ITPR2: variants seen among roughly 807,000 people sequenced by gnomAD.
ITPR2 encodes the protein inositol 1,4,5-trisphosphate receptor type 2, also known as inositol 1,4,5-trisphosphate-gated calcium channel ITPR2.
A neutral mutation model predicts 317.1 loss-of-function variants in ITPR2; 207 were observed. That is an observed-to-expected ratio of 0.65 (90% CI 0.58 to 0.73). The LOEUF is 0.73. Among genes scored for constraint, ITPR2 ranks in the 30% least tolerant of loss-of-function variants. The pLI, the probability that ITPR2 is intolerant of heterozygous loss-of-function variation, is 0.00. For synonymous variants in ITPR2, 1,156 were observed against 1,149.1 expected (o/e 1.01, Z -0.12); for missense variants, 2,613 against 3,284.0 (o/e 0.80, Z 4.99).
chr12:26,357,678 G>A (rs1445404787), intron 55 of ITPR2, among the ~76,000 whole-genome samples: 1 of 152,242 alleles, frequency 6.6e-6, no homozygotes, highest in Admixed American at 6.5e-5. Flanking sequence ...TATTGTTGGA[G>A]ATCATGCTTT....
chr12:26,815,563 G>A (rs1167443068), intron 1 of ITPR2, among the ~76,000 whole-genome samples: 1 of 152,134 alleles, frequency 6.6e-6, no homozygotes, highest in Non-Finnish European at 1.5e-5. Flanking sequence ...GGAAGATATT[G>A]TAAATATATG....
Position 26,655,804 on chromosome 12 carries a change from A to T in ITPR2, c.2493T>A (p.Phe831Leu). 1 of 1,612,390 alleles carries T rather than the reference A, an allele frequency of 6.2e-7. No individual in the cohort carries two copies. The highest frequency in any genetic ancestry group is 8.5e-7 in the Non-Finnish European group (1 of 1,178,988). ...DSSRNDMKRK[F>L]ALTMEFVEEY... ...CTTCAACAAATTCCATTGTCAGGGC[A>T]AATTTCCTCTTCATATCATTTCTGG... The change falls in exon 20 of 57, where the codon TTT becomes TTA. Residue 831 changes from phenylalanine (F) to leucine (L), a missense_variant. Transcript: ENST00000381340.
intron 45 of ITPR2, among the ~76,000 whole-genome samples, chr12:26,462,724 T>C (rs1591805573): frequency 6.8e-6 from 1 of 148,100 alleles, no homozygotes; most frequent in Admixed American, 7.0e-5. Flanking sequence ...CAGGCTGGAG[T>C]GCAATGGCGC....
At chr12:26,566,084 G>C (rs1430655106) in intron 34 of ITPR2, among the ~76,000 whole-genome samples, 4 of 136,106 alleles carry the variant, frequency 2.9e-5, no homozygotes, top group Non-Finnish European at 6.3e-5. Flanking sequence ...AGAAGGAGAG[G>C]AGATGGAGAG....
chr12:26,450,945 T>G (rs1048850070), intron 45 of ITPR2, among the ~76,000 whole-genome samples: 2 of 152,120 alleles, frequency 1.3e-5, no homozygotes, highest in Non-Finnish European at 2.9e-5. Context: ...GTGGAATGGA[T>G]TAGTTAGAAA....
At chr12:26,772,479 A>AATATATATAATACATATAATACATGTAT (rs1565752080) in intron 2 of ITPR2, among the ~76,000 whole-genome samples, 2 of 44,406 alleles carry the variant, frequency 4.5e-5, no homozygotes, top group Non-Finnish European at 1.5e-4. Context: ...ATTATATATA[A>AATATATATAATACATATAATACATGTAT]TATATATAAT....
chr12:26,605,126 A>AAAAAATATATATATATATATATATATAT lies in ITPR2; in HGVS notation c.3463-2421_3463-2420insATATATATATATATATATATATATTTTT, dbSNP rs1555165395. ...ATAAAAATAAAAAATAAAAAATAAAAATATATATATATATATGAGAAAGTG... is the reference window on the plus strand; with the variant it reads ...ATAAAAATAAAAAATAAAAAATAAAAAAAAATATATATATATATATATATATATATATATATATATATATGAGAAAGTG... On this transcript the variant is annotated intron_variant, in intron 26 of 56. Coordinates refer to ENST00000381340, the MANE Select transcript of ITPR2 (RefSeq NM_002223.4). Among the ~76,000 whole-genome samples, 185 of 136,220 alleles carry AAAAAATATATATATATATATATATATAT rather than the reference A, an allele frequency of 1.4e-3. 1 individual carries two copies. The highest frequency in any genetic ancestry group is 5.7e-3 in the South Asian group (24 of 4,202). The allele number at this position is 136,220 out of a possible 152,430, so 89.4% of individuals were successfully genotyped here.
At chr12:26,581,694 A>G (rs1367304822) in intron 32 of ITPR2, among the ~76,000 whole-genome samples, 1 of 152,202 alleles carries the variant, frequency 6.6e-6, no homozygotes, top group African/African-American at 2.4e-5. Flanking sequence ...TTTAATTTAC[A>G]TGGTCCCAGA....
intron 21 of ITPR2, among the ~76,000 whole-genome samples, chr12:26,644,968 C>G (rs141054774): frequency 2.6e-5 from 4 of 152,152 alleles, no homozygotes; most frequent in African/African-American, 9.7e-5. Flanking sequence ...GAGCTGCCTA[C>G]GGGGACATAA....
chr12:26,729,850 A>G (rs1402930845), intron 2 of ITPR2, among the ~76,000 whole-genome samples: 1 of 152,076 alleles, frequency 6.6e-6, no homozygotes, highest in Non-Finnish European at 1.5e-5. Flanking sequence ...AAAAATAACT[A>G]ATGAGTACAA....
At chr12:26,594,700 A>ATT (rs138178618) in intron 32 of ITPR2, among the ~76,000 whole-genome samples, 6 of 151,052 alleles carry the variant, frequency 4.0e-5, no homozygotes, top group African/African-American at 9.7e-5. Context: ...GGAAAATTAG[A>ATT]TTTTTTTTTA....
chr12:26,557,154 T>A (rs1944686380), intron 35 of ITPR2, among the ~76,000 whole-genome samples: 1 of 152,222 alleles, frequency 6.6e-6, no homozygotes, highest in Admixed American at 6.5e-5. Flanking sequence ...GGAAAGTCAC[T>A]GAAATATTAT....
chr12:26,362,772 A>G (rs1469380109), intron 55 of ITPR2, among the ~76,000 whole-genome samples: 1 of 152,098 alleles, frequency 6.6e-6, no homozygotes, highest in African/African-American at 2.4e-5. Flanking sequence ...ATTCACAGGT[A>G]TTTTCTCTCC....
At chr12:26,503,681 T>A (rs1196374252) in intron 37 of ITPR2, among the ~76,000 whole-genome samples, 1 of 152,186 alleles carries the variant, frequency 6.6e-6, no homozygotes, top group Non-Finnish European at 1.5e-5. Flanking sequence ...AGTTTCCCCA[T>A]CTGTGGATAA....
intron 1 of ITPR2, among the ~76,000 whole-genome samples, chr12:26,807,384 C>T (rs1040895172): frequency 3.3e-5 from 5 of 152,176 alleles, no homozygotes; most frequent in African/African-American, 9.7e-5. Flanking sequence ...TATTTCCTTT[C>T]CCACCCAGAA....
chr12:26,761,642 T>C (rs965432664), intron 2 of ITPR2, among the ~76,000 whole-genome samples: 1 of 152,108 alleles, frequency 6.6e-6, no homozygotes, highest in African/African-American at 2.4e-5. Context: ...AAAAACTTTT[T>C]AAAAATTAGC....
intron 1 of ITPR2, among the ~76,000 whole-genome samples, chr12:26,816,161 A>C (rs1950849216): frequency 6.6e-6 from 1 of 151,968 alleles, no homozygotes; most frequent in African/African-American, 2.4e-5. Flanking sequence ...GAACTTTTTA[A>C]CATCAATGTA....
In ITPR2 at chr12:26,686,470, ATT is replaced by A; in HGVS notation, c.1148+9_1148+10del. ...TTCAAAGAAACATCTTTTAACCATA[ATT>A]TTTTTTACCTTGGAACCAGGCAGTC... On this transcript the variant is annotated intron_variant, in intron 11 of 56. Transcript: ENST00000381340. The A allele has an allele frequency of 6.5e-7, 1 of 1,540,388 alleles. No individual in the cohort carries two copies. Among genetic ancestry groups the A allele is most frequent in the Non-Finnish European group, 8.8e-7 (1 of 1,142,488 alleles).
chr12:26,626,015 G>A (rs1427355550), intron 23 of ITPR2, among the ~76,000 whole-genome samples: 2 of 152,208 alleles, frequency 1.3e-5, no homozygotes, highest in African/African-American at 4.8e-5. Context: ...AGGCTGGAGT[G>A]CAGTGGCACA....
Sources: allele counts gnomAD v4.1 joint callset (sites outside exome capture counted in the v4.1 genomes callset), GRCh38; gene constraint gnomAD v4.1.1; transcripts MANE v1.5; gene names NCBI Gene and HGNC (gene_info 2026-07-23, HGNC 2026-07-21).